The following FAM13C variants were observed in gnomAD, a reference collection of about 807,000 sequenced individuals.
FAM13C encodes the protein protein FAM13C.
In FAM13C, 37 loss-of-function variants were observed where a neutral mutation model predicts 73.2. That is an observed-to-expected ratio of 0.51 (90% CI 0.39 to 0.67). FAM13C has a LOEUF of 0.67. Ranked by LOEUF, FAM13C falls within the 30% of genes least tolerant of loss-of-function variation. The pLI is 0.00. For missense variants in FAM13C, 589 were observed against 715.6 expected (o/e 0.82, Z 2.02); for synonymous variants, 246 against 260.9 (o/e 0.94, Z 0.55).
At chr10:59,253,089 G>A (rs1267515072) in intron 11 of FAM13C, 91 bp from the exon 12 acceptor site, 1 of 1,327,902 alleles carries the variant, frequency 7.5e-7, no homozygotes, top group East Asian at 2.3e-5. Flanking sequence ...ATAAATCAAT[G>A]CCATGAAAAC....
chr10:59,306,170 T>A (rs543001063), intron 4 of FAM13C, among the ~76,000 whole-genome samples: 1 of 152,196 alleles, frequency 6.6e-6, no homozygotes, highest in Non-Finnish European at 1.5e-5. Context: ...TCCCTGTTGA[T>A]GAGTGACAGC....
chr10:59,265,511 CAAA>C lies in FAM13C; in HGVS notation c.943-1348_943-1346del, dbSNP rs1018243254. ...AGTCAATGTTTTACATTTGGTTTCC[CAAA>C]ATCCTTAGAGAATTCTCCACTCCGA... is the stretch of plus-strand genomic sequence containing the variant. On this transcript the variant is annotated intron_variant, in intron 8 of 13. Transcript: ENST00000618804. Among the ~76,000 whole-genome samples the C allele has an allele frequency of 8.3e-4, 126 of 152,170 alleles. 1 individual carries two copies. Among genetic ancestry groups the C allele is most frequent in the African/African-American group, 2.8e-3 (118 of 41,512 alleles).
At chr10:59,355,769 T>G in intron 2 of FAM13C, 118 bp downstream of exon 2, 28 of 1,055,334 alleles carry the variant, frequency 2.7e-5, no homozygotes, top group Non-Finnish European at 3.7e-5. Flanking sequence ...GTAGAAGAGA[T>G]GAGACATGAG....
rs745742393 is a variant in FAM13C at position 59,352,253 on chromosome 10, G to A, written c.324+17C>T. The A allele has an allele frequency of 5.0e-6, 8 of 1,612,908 alleles. No individual in the cohort carries two copies. The highest frequency in any genetic ancestry group is 1.7e-5 in the Admixed American group (1 of 60,016). On this transcript the variant is annotated intron_variant, in intron 3 of 13. Coordinates refer to ENST00000618804, the MANE Select transcript of FAM13C (RefSeq NM_198215.4). Reference sequence around the variant, plus strand: ...ATCACCCGTCTTGGCAAAAGCCTGAGAAGAGAGAGCTGCTACCTGACTTTC... The same window carrying A: ...ATCACCCGTCTTGGCAAAAGCCTGAAAAGAGAGAGCTGCTACCTGACTTTC...
Position 59,251,505 on chromosome 10 carries a change from A to G in FAM13C, c.1634+70T>C, listed in dbSNP as rs772594317. ...TAAAAAGTCACCGTTCCTGCAAAAA[A>G]TTGCAGCTCATTTTTAACAGCAATT... On this transcript the variant is annotated intron_variant, in intron 13 of 13. Coordinates refer to ENST00000618804, the MANE Select transcript of FAM13C (RefSeq NM_198215.4). The G allele has an allele frequency of 2.9e-6, 4 of 1,369,620 alleles. No individual in the cohort carries two copies. In the South Asian group the frequency reaches 3.5e-5, roughly 12 times the overall value. 84.8% of individuals were successfully genotyped at this position (1,369,620 alleles called of 1,614,324 possible).
chr10:59,285,415 T>A (rs964904674), intron 5 of FAM13C, among the ~76,000 whole-genome samples: 1 of 152,038 alleles, frequency 6.6e-6, no homozygotes, highest in African/African-American at 2.4e-5. Context: ...TCTAGGCAAG[T>A]TTCCTACTGA....
At chr10:59,288,585 G>A (rs1845862779) in intron 5 of FAM13C, among the ~76,000 whole-genome samples, 1 of 152,182 alleles carries the variant, frequency 6.6e-6, no homozygotes, top group South Asian at 2.1e-4. Context: ...GAGTGTCAAA[G>A]GAGATCTAGT....
chr10:59,326,314 C>T (rs1188127073), intron 3 of FAM13C, among the ~76,000 whole-genome samples: 1 of 152,080 alleles, frequency 6.6e-6, no homozygotes, highest in Non-Finnish European at 1.5e-5. Context: ...AAAAGAGTGG[C>T]ACTGTCACCT....
intron 3 of FAM13C, among the ~76,000 whole-genome samples, chr10:59,346,301 T>A (rs1405587047): frequency 6.6e-6 from 1 of 152,196 alleles, no homozygotes; most frequent in Non-Finnish European, 1.5e-5. Flanking sequence ...AGAAATATAG[T>A]AAATATTTTA....
intron 9 of FAM13C, 82 bp downstream of exon 9, chr10:59,264,003 G>T: frequency 7.8e-7 from 1 of 1,275,852 alleles, no homozygotes; most frequent in Non-Finnish European, 1.1e-6. Flanking sequence ...AGGTGGAAAT[G>T]AATCTAAAAT....
At chr10:59,359,473 T>A (rs1390252023) in intron 1 of FAM13C, among the ~76,000 whole-genome samples, 5 of 152,228 alleles carry the variant, frequency 3.3e-5, no homozygotes, top group African/African-American at 1.2e-4. Context: ...ATATTTACAC[T>A]TGCCCTGTAG....
At chr10:59,263,267 A>T (rs894081793) in intron 9 of FAM13C, among the ~76,000 whole-genome samples, 2 of 152,222 alleles carry the variant, frequency 1.3e-5, no homozygotes, top group African/African-American at 2.4e-5. Flanking sequence ...ATTTTAGAGT[A>T]TGCAAGGGTA....
At chr10:59,323,534 C>G (rs1481462293) in intron 4 of FAM13C, 1 of 174,296 alleles carries the variant, frequency 5.7e-6, no homozygotes, top group African/African-American at 2.4e-5. Context: ...CAGGCAAGTG[C>G]CTTAATATGT....
rs748604510 is a variant in FAM13C, at chr10:59,262,597, G to A, written c.1073C>T (p.Pro358Leu). The change falls in exon 10 of 14, where the codon CCA becomes CTA. Residue 358 changes from proline (P) to leucine (L), a missense_variant. Transcript: ENST00000618804. ...SEEQGSAPKGPPRNLLCEQPT... is the reference protein window; with the variant it reads ...SEEQGSAPKGLPRNLLCEQPT... ...TTGCTCACACAACAGGTTTCTAGGT[G>A]GACCTTTGGGAGCACTCCCTTGTTC... 22 of 1,613,622 alleles carry A rather than the reference G, an allele frequency of 1.4e-5. No individual in the cohort carries two copies. Among genetic ancestry groups the A allele is most frequent in the Non-Finnish European group, 1.8e-5 (21 of 1,179,746 alleles).
chr10:59,247,888 A>G (rs561406172), intron 13 of FAM13C, 151 bp from the exon 14 acceptor site: 27 of 654,656 alleles, frequency 4.1e-5, no homozygotes, highest in Non-Finnish European at 6.5e-5. Context: ...ACCTTCATTC[A>G]CTCCTTCTTC....
chr10:59,324,415 T>C (rs1007855070), intron 3 of FAM13C, among the ~76,000 whole-genome samples: 3 of 152,152 alleles, frequency 2.0e-5, no homozygotes, highest in Admixed American at 6.6e-5. Flanking sequence ...ATTGGATGAA[T>C]AGATACATCT....
At chr10:59,306,339 A>G (rs940929902) in intron 4 of FAM13C, among the ~76,000 whole-genome samples, 1 of 152,234 alleles carries the variant, frequency 6.6e-6, no homozygotes, top group African/African-American at 2.4e-5. Flanking sequence ...ACCATTAGAT[A>G]AACCTCCAGA....
At chr10:59,322,557 A>G (rs912640347) in intron 4 of FAM13C, among the ~76,000 whole-genome samples, 1 of 152,232 alleles carries the variant, frequency 6.6e-6, no homozygotes, top group Non-Finnish European at 1.5e-5. Context: ...AACATCAAGC[A>G]TCTTTGAGAA....
chr10:59,300,591 A>C (rs889719565), intron 5 of FAM13C: 2 of 152,228 alleles, frequency 1.3e-5, no homozygotes, highest in African/African-American at 4.8e-5. Flanking sequence ...AGCTCATAGT[A>C]ATAAAGATAT....
Sources: gnomAD v4.1 joint callset for allele counts (sites outside exome capture counted in the v4.1 genomes callset) on GRCh38, gnomAD v4.1.1 for gene constraint, MANE v1.5 for transcripts, NCBI Gene and HGNC (gene_info 2026-07-23, HGNC 2026-07-21) for gene names.